The following ZSWIM6 variants were observed in gnomAD, a reference collection of about 807,000 sequenced individuals.
ZSWIM6 encodes the protein zinc finger SWIM domain-containing protein 6.
In ZSWIM6, 9 loss-of-function variants were observed where a neutral mutation model predicts 113.2. The observed-to-expected ratio is 0.08, with a 90% CI of 0.05 to 0.14. The LOEUF (loss-of-function observed/expected upper bound fraction) is 0.14. ZSWIM6 is among the 10% of genes least tolerant of loss of function. The probability of loss-of-function intolerance (pLI) is 1.00; values close to 1 mark genes in which losing one functional copy is unlikely to be tolerated. For missense variants in ZSWIM6, 1,162 were observed against 1,552.2 expected (o/e 0.75, Z 4.22); for synonymous variants, 611 against 606.5 (o/e 1.01, Z -0.11).
intron 1 of ZSWIM6, among the ~76,000 whole-genome samples, chr5:61,461,402 A>G (rs1215221758): frequency 1.3e-5 from 2 of 152,266 alleles, no homozygotes; most frequent in East Asian, 1.9e-4. Flanking sequence ...AGAAATAGAT[A>G]TTAAATAACT....
intron 2 of ZSWIM6, among the ~76,000 whole-genome samples, chr5:61,474,393 C>G (rs530109374): frequency 1.3e-5 from 2 of 152,124 alleles, no homozygotes. Context: ...GAATATTAAC[C>G]ACATGCATAG....
intron 1 of ZSWIM6, among the ~76,000 whole-genome samples, chr5:61,449,479 C>T (rs556373987): frequency 6.6e-6 from 1 of 152,256 alleles, no homozygotes; most frequent in African/African-American, 2.4e-5. Context: ...GTCTTCCTGC[C>T]TCAGCGTCCT....
chr5:61,339,017 T>A (rs1413229326), intron 1 of ZSWIM6, among the ~76,000 whole-genome samples: 1 of 152,186 alleles, frequency 6.6e-6, no homozygotes, highest in Non-Finnish European at 1.5e-5. Flanking sequence ...AAATGGATAA[T>A]CAATTGCTGT....
At chr5:61,333,027 C>A (rs896507619) in intron 1 of ZSWIM6, 79 bp downstream of exon 1, 1 of 1,086,772 alleles carries the variant, frequency 9.2e-7, no homozygotes, top group South Asian at 3.1e-5. Flanking sequence ...CTTTCTCCTG[C>A]GGACAGCCCC....
intron 1 of ZSWIM6, among the ~76,000 whole-genome samples, chr5:61,374,333 A>G (rs894185218): frequency 1.3e-5 from 2 of 152,198 alleles, no homozygotes; most frequent in African/African-American, 4.8e-5. Context: ...GGATAAACTC[A>G]GGGAATCTGC....
At chr5:61,391,233 C>A in intron 1 of ZSWIM6, 1 of 910,208 alleles carries the variant, frequency 1.1e-6, no homozygotes. Context: ...TCATCTTGTC[C>A]TGCTCAAACA....
At chr5:61,400,056 G>A (rs1439869376) in intron 1 of ZSWIM6, among the ~76,000 whole-genome samples, 1 of 152,144 alleles carries the variant, frequency 6.6e-6, no homozygotes, top group African/African-American at 2.4e-5. Context: ...AAGCAGTCTT[G>A]ACAGGTCGCC....
intron 1 of ZSWIM6, among the ~76,000 whole-genome samples, chr5:61,382,581 A>T (rs1745507150): frequency 6.6e-6 from 1 of 152,162 alleles, no homozygotes; most frequent in African/African-American, 2.4e-5. Context: ...AGGCAGGTGG[A>T]CCACCTGAGG....
intron 1 of ZSWIM6, among the ~76,000 whole-genome samples, chr5:61,384,348 CAG>C (rs1337007125): frequency 6.6e-6 from 1 of 151,448 alleles, no homozygotes; most frequent in East Asian, 1.9e-4. Flanking sequence ...TTTGCTAAAA[CAG>C]AGCTCTTTGA....
At chr5:61,453,228 T>G (rs561770632) in intron 1 of ZSWIM6, among the ~76,000 whole-genome samples, 8 of 152,310 alleles carry the variant, frequency 5.3e-5, no homozygotes, top group Admixed American at 2.0e-4. Flanking sequence ...GACATAAAAT[T>G]GTATGTATTT....
chr5:61,478,368 C>T lies in ZSWIM6; in HGVS notation c.1033+5331C>T, dbSNP rs148225529. 1.2e-4 allele frequency among the ~76,000 whole-genome samples: 18 copies of T among 152,288 alleles called. No individual in the cohort carries two copies. The East Asian group carries it at 3.1e-3, about 26-fold the overall frequency. Reference sequence around the variant, plus strand: ...AGCTCCCTTAGTCTCCAAAAGCACCCTTATTCTCACAAGGCAGCCACTGTG... The same window carrying T: ...AGCTCCCTTAGTCTCCAAAAGCACCTTTATTCTCACAAGGCAGCCACTGTG... On this transcript the variant is annotated intron_variant, in intron 2 of 13. Coordinates refer to ENST00000252744, the MANE Select transcript of ZSWIM6 (RefSeq NM_020928.2).
At chr5:61,419,734 C>T (rs915830073) in intron 1 of ZSWIM6, among the ~76,000 whole-genome samples, 1 of 152,204 alleles carries the variant, frequency 6.6e-6, no homozygotes, top group African/African-American at 2.4e-5. Flanking sequence ...GCAAGCCTCT[C>T]CTGAAAGGCT....
Position 61,437,132 on chromosome 5 carries a change from G to A in ZSWIM6, c.677-35549G>A, listed in dbSNP as rs143437857. Among the ~76,000 whole-genome samples the A allele has an allele frequency of 1.1e-3, 166 of 152,326 alleles. 1 individual carries two copies. The highest frequency in any genetic ancestry group is 3.8e-3 in the African/African-American group (156 of 41,574). On this transcript the variant is annotated intron_variant, in intron 1 of 13. Transcript: ENST00000252744. ...AGGGAAAGGGAAGTGGAGGCACTAAGATTGCTTCGGCAGCCAAAGGATTCC... is the reference window on the plus strand; with the variant it reads ...AGGGAAAGGGAAGTGGAGGCACTAAAATTGCTTCGGCAGCCAAAGGATTCC...
chr5:61,390,788 G>A, intron 1 of ZSWIM6: 2 of 791,184 alleles, frequency 2.5e-6, no homozygotes, highest in Non-Finnish European at 4.6e-6. Flanking sequence ...TGAACTTAAG[G>A]TCAATCTTCT....
chr5:61,332,299 T>C lies in ZSWIM6; in HGVS notation c.27T>C (p.Pro9=). MAERGQQP[P]PAKRLCCRPG... ...TGGCGGAGCGCGGACAGCAGCCTCC[T>C]CCCGCGAAACGGCTTTGCTGCCGGC... is the stretch of plus-strand genomic sequence containing the variant. Residue 9 remains proline, a synonymous_variant, in exon 1 of 14, where the codon CCT becomes CCC. Coordinates refer to ENST00000252744, the MANE Select transcript of ZSWIM6 (RefSeq NM_020928.2). The C allele has an allele frequency of 2.6e-6, 3 of 1,165,964 alleles. No individual in the cohort carries two copies. Among genetic ancestry groups the C allele is most frequent in the Admixed American group, 9.5e-5 (2 of 21,078 alleles). The allele number at this position is 1,165,964 out of a possible 1,614,324, so 72.2% of individuals were successfully genotyped here.
chr5:61,455,876 A>G (rs1747197226), intron 1 of ZSWIM6, among the ~76,000 whole-genome samples: 1 of 131,672 alleles, frequency 7.6e-6, no homozygotes, highest in South Asian at 2.6e-4. Flanking sequence ...AAGTGTTGAT[A>G]AGTTTTCAAA....
intron 1 of ZSWIM6, among the ~76,000 whole-genome samples, chr5:61,470,222 A>G (rs995731356): frequency 1.3e-5 from 2 of 152,192 alleles, no homozygotes; most frequent in African/African-American, 2.4e-5. Flanking sequence ...GAGAGATGTG[A>G]TAGTGTTAAG....
intron 1 of ZSWIM6, among the ~76,000 whole-genome samples, chr5:61,470,452 A>G (rs1747542502): frequency 6.6e-6 from 1 of 152,082 alleles, no homozygotes; most frequent in Non-Finnish European, 1.5e-5. Flanking sequence ...TTTAATTATT[A>G]TAGGTTTATA....
chr5:61,532,295 C>T (rs1049760625), intron 9 of ZSWIM6, among the ~76,000 whole-genome samples: 9 of 152,114 alleles, frequency 5.9e-5, no homozygotes, highest in African/African-American at 9.7e-5. Flanking sequence ...ATCTGAGGCA[C>T]GGTCTAATTT....
Sources: allele counts gnomAD v4.1 joint callset (sites outside exome capture counted in the v4.1 genomes callset), GRCh38; gene constraint gnomAD v4.1.1; transcripts MANE v1.5; gene names NCBI Gene and HGNC (gene_info 2026-07-23, HGNC 2026-07-21).